The following DHX15 variants were observed in gnomAD, a reference collection of about 807,000 sequenced individuals.
DHX15 encodes ATP-dependent RNA helicase DHX15.
DHX15 carries 11 observed loss-of-function variants against 94.4 expected under a neutral mutation model. That is an observed-to-expected ratio of 0.12 (90% CI 0.07 to 0.19). DHX15 has a LOEUF of 0.19. Ranked by LOEUF, DHX15 falls within the 10% of genes least tolerant of loss-of-function variation. DHX15 has a pLI of 1.00. For synonymous variants in DHX15, 338 were observed against 329.9 expected, an observed-to-expected ratio of 1.02 and a Z score of -0.27; for missense variants, 304 against 988.5, an observed-to-expected ratio of 0.31 and a Z score of 9.29.
rs1437825854 is a variant in DHX15 at position 24,554,871 on chromosome 4, T to C, written c.934A>G (p.Ile312Val). The change falls in exon 5 of 14, where the codon ATT (isoleucine) becomes GTT (valine). Residue 312 changes from isoleucine to valine, a missense_variant. This residue lies in a region of DHX15 where 29 missense variants were observed against 181.6 expected (regional missense o/e 0.16). Coordinates refer to ENST00000336812, the MANE Select transcript of DHX15 (RefSeq NM_001358.3). Reference protein sequence around the residue: ...IYFDNCPLLTIPGRTHPVEIF... With the variant: ...IYFDNCPLLTVPGRTHPVEIF... ...TCAACAGGATGTGTACGCCCAGGAA[T>C]AGTTAGGAGAGGACAGTTATCAAAG... 2 of 1,613,794 alleles carry C rather than the reference T, an allele frequency of 1.2e-6. No homozygotes were observed. Among genetic ancestry groups the C allele is most frequent in the Admixed American group, 1.7e-5 (1 of 60,028 alleles).
At chr4:24,576,706 T>G in intron 1 of DHX15, 28 bp from the exon 2 acceptor site, 1 of 1,605,292 alleles carries the variant, frequency 6.2e-7, no homozygotes. Flanking sequence ...GAATTCAGAT[T>G]CTGAATTTTA....
At chr4:24,576,146 T>C (rs564751312) in intron 2 of DHX15, 97 bp downstream of exon 2, 25 of 943,558 alleles carry the variant, frequency 2.6e-5, no homozygotes, top group East Asian at 7.7e-5. Context: ...AGATGTTCTA[T>C]AGGACAGACA....
At chr4:24,552,335 C>A (rs1461776162) in intron 5 of DHX15, among the ~76,000 whole-genome samples, 1 of 151,880 alleles carries the variant, frequency 6.6e-6, no homozygotes, top group Non-Finnish European at 1.5e-5. Flanking sequence ...TAACTCACTG[C>A]ATGTTGAAAA....
intron 1 of DHX15, among the ~76,000 whole-genome samples, chr4:24,577,691 A>C (rs1722304127): frequency 6.6e-6 from 1 of 152,128 alleles, no homozygotes; most frequent in Admixed American, 6.6e-5. Context: ...AGTCATTTTA[A>C]AAGTATCTAT....
At chr4:24,542,549 A>G (rs910639141) in intron 7 of DHX15, among the ~76,000 whole-genome samples, 2 of 152,232 alleles carry the variant, frequency 1.3e-5, no homozygotes, top group Admixed American at 1.3e-4. Context: ...GAGGAGTAAC[A>G]TAGTACTGTT....
intron 1 of DHX15, among the ~76,000 whole-genome samples, chr4:24,582,640 T>C (rs1028670622): frequency 6.6e-6 from 1 of 152,228 alleles, no homozygotes; most frequent in African/African-American, 2.4e-5. Context: ...TAATGACTCT[T>C]AACTACAGTA....
At chr4:24,582,709 A>G (rs1463542397) in intron 1 of DHX15, among the ~76,000 whole-genome samples, 2 of 152,144 alleles carry the variant, frequency 1.3e-5, no homozygotes, top group Non-Finnish European at 2.9e-5. Context: ...CCTGCTGTAA[A>G]CTTGCACAAG....
At chr4:24,556,627 A>C (rs1021531077) in intron 3 of DHX15, among the ~76,000 whole-genome samples, 1 of 152,230 alleles carries the variant, frequency 6.6e-6, no homozygotes, top group Non-Finnish European at 1.5e-5. Flanking sequence ...CAATTCTTGA[A>C]AAATGTAATA....
intron 11 of DHX15, among the ~76,000 whole-genome samples, chr4:24,534,660 T>C (rs1721157819): frequency 6.6e-6 from 1 of 152,180 alleles, no homozygotes; most frequent in Non-Finnish European, 1.5e-5. Flanking sequence ...ATCAAGGTAC[T>C]GCAAAATAAC....
rs1178795211 is a variant in DHX15 at position 24,547,873 on chromosome 4, CTCTCTCTCTCTCTCTCTATGTATG to C, written c.1248+958_1248+981del. On this transcript the variant is annotated intron_variant, in intron 6 of 13. Coordinates refer to ENST00000336812, the MANE Select transcript of DHX15 (RefSeq NM_001358.3). Reference sequence around the variant, plus strand: ...TTAAGACATATATGTCTCTCTCTCTCTCTCTCTCTCTCTCTCTATGTATGTATGTGTATATATATATATATATAT... The same window carrying C: ...TTAAGACATATATGTCTCTCTCTCTCTATGTGTATATATATATATATATAT... Among the ~76,000 whole-genome samples the C allele has an allele frequency of 3.5e-4, 28 of 80,856 alleles. 1 individual carries two copies. Among genetic ancestry groups the C allele is most frequent in the African/African-American group, 1.2e-3 (28 of 22,832 alleles). The allele number at this position is 80,856 out of a possible 152,430, so 53.0% of individuals were successfully genotyped here.
chr4:24,529,902 C>T (rs1401242269), intron 12 of DHX15, 132 bp from the exon 13 acceptor site: 2 of 927,390 alleles, frequency 2.2e-6, no homozygotes, highest in Non-Finnish European at 3.3e-6. Flanking sequence ...TTATCACTGT[C>T]TGATAAAAGC....
intron 1 of DHX15, among the ~76,000 whole-genome samples, chr4:24,577,353 T>G (rs186530670): frequency 6.6e-6 from 1 of 152,252 alleles, no homozygotes; most frequent in African/African-American, 2.4e-5. Context: ...TTCTTAGTTA[T>G]ACTTTCCAGC....
intron 1 of DHX15, among the ~76,000 whole-genome samples, chr4:24,582,408 T>C (rs962169768): frequency 1.6e-4 from 25 of 152,214 alleles, no homozygotes; most frequent in African/African-American, 6.0e-4. Context: ...CGCACATACA[T>C]ATGGTGGGAC....
chr4:24,528,587 G>A (rs561769810), intron 13 of DHX15, among the ~76,000 whole-genome samples: 5 of 152,178 alleles, frequency 3.3e-5, no homozygotes, highest in East Asian at 1.9e-4. Flanking sequence ...TCCCAAATCC[G>A]TATAAGAAAG....
chr4:24,575,165 A>G (rs991653877), intron 2 of DHX15, among the ~76,000 whole-genome samples: 10 of 151,984 alleles, frequency 6.6e-5, no homozygotes, highest in Admixed American at 1.3e-4. Context: ...TTAAAAAAAA[A>G]AAAAAGAAAA....
chr4:24,559,111 A>G (rs1463284976), intron 3 of DHX15, among the ~76,000 whole-genome samples: 3 of 152,142 alleles, frequency 2.0e-5, no homozygotes, highest in African/African-American at 7.2e-5. Flanking sequence ...CCTAAATCCA[A>G]TGACCAGTAT....
In DHX15 at chr4:24,537,306, T is replaced by G. The variant is rs974868627; in HGVS notation, c.1787-133A>C. The G allele has an allele frequency of 1.7e-6, 2 of 1,173,258 alleles. No homozygotes were observed. The highest frequency in any genetic ancestry group is 2.1e-4 in the Middle Eastern group (1 of 4,744). The allele number at this position is 1,173,258 out of a possible 1,614,324, so 72.7% of individuals were successfully genotyped here. A position where few individuals can be genotyped will look rare whatever the true frequency, so the allele number is the denominator to read the frequency against. On this transcript the variant is annotated intron_variant, in intron 10 of 13. Transcript: ENST00000336812. This position sits in a 1 kb window ranked among gnomAD's most constrained non-coding sequence, Gnocchi z 4.7. ...GGGCAGGATGGCCTCCAACTGCATC[T>G]TGGATTGTTTACTACCTTGATTTGG... is the stretch of plus-strand genomic sequence containing the variant.
intron 3 of DHX15, among the ~76,000 whole-genome samples, chr4:24,570,043 C>A (rs889246254): frequency 2.0e-5 from 3 of 152,198 alleles, no homozygotes; most frequent in African/African-American, 7.2e-5. Context: ...TAGCATACAT[C>A]ATAACTTATG....
intron 3 of DHX15, chr4:24,563,496 G>A (rs1721928223): frequency 6.6e-6 from 1 of 152,154 alleles, no homozygotes; most frequent in African/African-American, 2.4e-5. Flanking sequence ...GCAGCCAAAA[G>A]AAGATTAAAC....
Sources: gnomAD v4.1 joint callset for allele counts (sites outside exome capture counted in the v4.1 genomes callset) on GRCh38, gnomAD v4.1.1 for gene constraint, gnomAD v4.1.1 regional missense constraint, Gnocchi (gnomAD v3.1) non-coding constraint, MANE v1.5 for transcripts, NCBI Gene and HGNC (gene_info 2026-07-23, HGNC 2026-07-21) for gene names.